SLC39A11: variants seen among roughly 807,000 people sequenced by gnomAD.
The protein encoded by SLC39A11 is solute carrier family 39 member 11.
Under a neutral mutation model 36.1 loss-of-function variants are expected in SLC39A11, and 33 were observed. The ratio of observed to expected loss-of-function variants is 0.91; its 90% CI spans 0.69 to 1.22. The LOEUF is 1.22. Among genes scored for constraint, SLC39A11 ranks in the 50% most tolerant of loss-of-function variants. The pLI is 0.00. For missense variants in SLC39A11, 432 were observed against 430.3 expected, an observed-to-expected ratio of 1.00 and a Z score of -0.03; for synonymous variants, 166 against 170.3, an observed-to-expected ratio of 0.97 and a Z score of 0.20.
intron 5 of SLC39A11, among the ~76,000 whole-genome samples, chr17:72,927,637 TC>T (rs2084125319): frequency 6.6e-6 from 1 of 152,088 alleles, no homozygotes; most frequent in Admixed American, 6.5e-5. Flanking sequence ...CAATCACGCC[TC>T]CCCACCCACA....
At position 72,806,803 on chromosome 17, in the gene SLC39A11, G is replaced by A. The variant is rs1330462367; in HGVS notation, c.601+42831C>T. ...GTGCCATGTTGGCCAGGCTGGACTC[G>A]AACTCCTGACCTCAGGTGATCTGCC... On this transcript the variant is annotated intron_variant, in intron 6 of 9. Transcript: ENST00000255559. Among the ~76,000 whole-genome samples the A allele has an allele frequency of 7.9e-5, 12 of 152,092 alleles. No homozygotes were observed. The East Asian group carries it at 9.7e-4, about 12-fold the overall frequency.
intron 6 of SLC39A11, among the ~76,000 whole-genome samples, chr17:72,799,414 C>T (rs1156968378): frequency 6.6e-6 from 1 of 152,076 alleles, no homozygotes; most frequent in South Asian, 2.1e-4. Context: ...GGGAAGACAA[C>T]CATAAGGTCT....
chr17:72,754,819 G>A (rs374117366), intron 6 of SLC39A11, among the ~76,000 whole-genome samples: 1 of 152,200 alleles, frequency 6.6e-6, no homozygotes, highest in African/African-American at 2.4e-5. Context: ...CACGAATGCA[G>A]TGATGGTGTG....
chr17:72,861,535 G>T (rs1407185487), intron 5 of SLC39A11, among the ~76,000 whole-genome samples: 1 of 151,264 alleles, frequency 6.6e-6, no homozygotes, highest in East Asian at 2.0e-4. Flanking sequence ...CTTAAAGCAT[G>T]CTGGCTGGCT....
chr17:72,927,183 A>G (rs2084098941), intron 5 of SLC39A11, among the ~76,000 whole-genome samples: 1 of 152,128 alleles, frequency 6.6e-6, no homozygotes, highest in Non-Finnish European at 1.5e-5. Flanking sequence ...AGTAGGTGGG[A>G]CTACAGGCGC....
intron 7 of SLC39A11, among the ~76,000 whole-genome samples, chr17:72,711,183 C>T (rs1232690939): frequency 1.3e-5 from 2 of 152,198 alleles, no homozygotes; most frequent in East Asian, 1.9e-4. Flanking sequence ...TCATTATTCC[C>T]TTATCCATTC....
At chr17:72,909,413 G>A (rs746648720) in intron 5 of SLC39A11, among the ~76,000 whole-genome samples, 1 of 152,178 alleles carries the variant, frequency 6.6e-6, no homozygotes, top group Non-Finnish European at 1.5e-5. Context: ...AAGCTCACTT[G>A]ACCACTCATT....
Position 72,902,048 on chromosome 17 carries a change from G to C in SLC39A11, c.430+45704C>G, listed in dbSNP as rs142470321. Among the ~76,000 whole-genome samples the C allele has an allele frequency of 5.2e-3, 795 of 152,230 alleles. 3 individuals carry two copies. The highest frequency in any genetic ancestry group is 0.019 in the African/African-American group (769 of 41,536). On this transcript the variant is annotated intron_variant, in intron 5 of 9. Transcript: ENST00000255559. ...GCACTTTGAAAGGCCGAGGCGGGTG[G>C]ATTACCTGAGGTCGAGAGTTCGAGA...
At chr17:73,071,224 G>A (rs980812535) in intron 3 of SLC39A11, among the ~76,000 whole-genome samples, 3 of 152,288 alleles carry the variant, frequency 2.0e-5, no homozygotes, top group Admixed American at 1.3e-4. Context: ...AGATGCTAGC[G>A]ACTGTTACAA....
At position 72,657,886 on chromosome 17, in the gene SLC39A11, C is replaced by T. The variant is rs144289115; in HGVS notation, c.672-8618G>A. ...CGCTTTTAGCCCCTTGGATCTACTG[C>T]CCTCTAGAGAGCCAGCTTCCCTGAA... On this transcript the variant is annotated intron_variant, in intron 7 of 9. Coordinates refer to ENST00000255559, the MANE Select transcript of SLC39A11 (RefSeq NM_139177.4). Among the ~76,000 whole-genome samples, 771 of 152,346 alleles carry T rather than the reference C, an allele frequency of 5.1e-3. 6 individuals carry two copies. Among genetic ancestry groups the T allele is most frequent in the African/African-American group, 0.018 (729 of 41,576 alleles).
At chr17:72,856,155 A>T (rs1408872503) in intron 5 of SLC39A11, among the ~76,000 whole-genome samples, 1 of 152,132 alleles carries the variant, frequency 6.6e-6, no homozygotes, top group Non-Finnish European at 1.5e-5. Flanking sequence ...TCCCTAATAA[A>T]TTTCCAGGAA....
intron 5 of SLC39A11, among the ~76,000 whole-genome samples, chr17:72,934,709 G>A (rs1313410408): frequency 3.3e-5 from 5 of 152,002 alleles, no homozygotes; most frequent in African/African-American, 1.2e-4. Flanking sequence ...TAAACAAATG[G>A]ATTAAAAAAC....
chr17:72,834,906 T>A (rs553736395), intron 6 of SLC39A11, among the ~76,000 whole-genome samples: 2 of 152,346 alleles, frequency 1.3e-5, no homozygotes, highest in South Asian at 4.1e-4. Flanking sequence ...TTCCTTGATC[T>A]GAAGGCCAGA....
chr17:72,695,559 A>C (rs949549278), intron 7 of SLC39A11, among the ~76,000 whole-genome samples: 4 of 152,220 alleles, frequency 2.6e-5, no homozygotes, highest in Non-Finnish European at 5.9e-5. Context: ...AGAGGGTTGC[A>C]TGGTAGTCCC....
At chr17:73,065,087 G>A (rs1355982356) in intron 3 of SLC39A11, among the ~76,000 whole-genome samples, 1 of 152,120 alleles carries the variant, frequency 6.6e-6, no homozygotes, top group African/African-American at 2.4e-5. Flanking sequence ...GATTGTGGAA[G>A]AGAATTATTA....
chr17:72,736,714 G>C lies in SLC39A11; in HGVS notation c.607C>G (p.Leu203Val), dbSNP rs1319866694. Residue 203 changes from leucine (L) to valine (V), a missense_variant, in exon 7 of 10, where the codon CTC becomes GTC. Physicochemically the swap from Leu to Val is conservative, Grantham distance 32. Transcript: ENST00000255559. Reference protein sequence around the residue: ...AITIHNVPEGLAVGVGFGAIE... With the variant: ...AITIHNVPEGVAVGVGFGAIE... Reference sequence around the variant, plus strand: ...GCCCCAAATCCAACTCCAACAGCGAGACCCTCTGAAATAGATGTAAGAAAA... The same window carrying C: ...GCCCCAAATCCAACTCCAACAGCGACACCCTCTGAAATAGATGTAAGAAAA... 1.9e-6 allele frequency: 3 copies of C among 1,613,692 alleles called. No homozygotes were observed. Among genetic ancestry groups the C allele is most frequent in the African/African-American group, 2.7e-5 (2 of 74,880 alleles).
chr17:72,829,930 C>G (rs368312885), intron 6 of SLC39A11, among the ~76,000 whole-genome samples: 21 of 152,078 alleles, frequency 1.4e-4, no homozygotes, highest in African/African-American at 3.1e-4. Flanking sequence ...AGGAAGTTGA[C>G]CTAGGGGAGG....
intron 5 of SLC39A11, among the ~76,000 whole-genome samples, chr17:72,880,932 C>A (rs1009694438): frequency 1.1e-4 from 17 of 151,486 alleles, no homozygotes; most frequent in African/African-American, 3.9e-4. Context: ...CCGCCCACCT[C>A]GGCCTCCCAA....
intron 4 of SLC39A11, among the ~76,000 whole-genome samples, chr17:72,980,208 A>G (rs2088195040): frequency 2.6e-5 from 4 of 152,156 alleles, no homozygotes. Context: ...CTCAAGACAA[A>G]ATTAGTGGTG....
Sources: allele counts gnomAD v4.1 joint callset (sites outside exome capture counted in the v4.1 genomes callset), GRCh38; gene constraint gnomAD v4.1.1; transcripts MANE v1.5; gene names NCBI Gene and HGNC (gene_info 2026-07-23, HGNC 2026-07-21).